The following C1orf185 variants were observed in gnomAD, a reference collection of about 807,000 sequenced individuals.
C1orf185 encodes the protein chromosome 1 open reading frame 185.
In C1orf185, 13 loss-of-function variants were observed where a neutral mutation model predicts 16.1. The ratio of observed to expected loss-of-function variants is 0.81; its 90% confidence interval spans 0.53 to 1.28. The LOEUF is 1.28. Ranked by LOEUF, C1orf185 falls within the 50% of genes most tolerant of loss-of-function variation. C1orf185 has a pLI of 0.00. For synonymous variants in C1orf185, 80 were observed against 76.9 expected, an observed-to-expected ratio of 1.04 and a Z score of -0.21; for missense variants, 220 against 225.2, an observed-to-expected ratio of 0.98 and a Z score of 0.15.
chr1:51,145,824 A>G, intron 4 of C1orf185, 64 bp downstream of exon 4: 3 of 842,140 alleles, frequency 3.6e-6, no homozygotes, highest in Non-Finnish European at 5.2e-6. Context: ...ACATCTTGAG[A>G]AATCAAGAGG....
chr1:51,108,967 T>C (rs1202417114), intron 1 of C1orf185, among the ~76,000 whole-genome samples: 4 of 152,176 alleles, frequency 2.6e-5, no homozygotes, highest in Non-Finnish European at 5.9e-5. Context: ...CACGTGGTAG[T>C]TTTATTTTTA....
At chr1:51,130,027 A>G (rs1646271673) in intron 3 of C1orf185, among the ~76,000 whole-genome samples, 1 of 152,212 alleles carries the variant, frequency 6.6e-6, no homozygotes, top group African/African-American at 2.4e-5. Context: ...GCTGAGTAGT[A>G]TAACATTGTG....
At chr1:51,150,441 C>T (rs1217140399), downstream of C1orf185, among the ~76,000 whole-genome samples, 1 of 152,160 alleles carries the variant, frequency 6.6e-6, no homozygotes, top group African/African-American at 2.4e-5. Context: ...GATCCACCCA[C>T]CTAGGCCTCC....
intron 1 of C1orf185, among the ~76,000 whole-genome samples, chr1:51,110,569 T>C (rs1646108758): frequency 6.6e-6 from 1 of 152,216 alleles, no homozygotes. Flanking sequence ...AACTTGATAA[T>C]ATATTCACAC....
chr1:51,150,099 C>T (rs1426023492), downstream of C1orf185, among the ~76,000 whole-genome samples: 5 of 152,056 alleles, frequency 3.3e-5, no homozygotes, highest in African/African-American at 1.2e-4. Context: ...AAGCATCATG[C>T]CTGACCAAAT....
intron 1 of C1orf185, 167 bp downstream of exon 1, chr1:51,102,416 A>G: frequency 2.4e-6 from 1 of 424,882 alleles, no homozygotes; most frequent in East Asian, 3.4e-5. Context: ...TATTGGGGCT[A>G]TTTTCTTTGG....
At chr1:51,112,103 G>A (rs1646124968) in intron 1 of C1orf185, among the ~76,000 whole-genome samples, 1 of 151,720 alleles carries the variant, frequency 6.6e-6, no homozygotes, top group African/African-American at 2.4e-5. Flanking sequence ...AAAGTCTTAT[G>A]TTGGAGGCCT....
intron 3 of C1orf185, among the ~76,000 whole-genome samples, chr1:51,125,969 G>T (rs1646236975): frequency 6.6e-6 from 1 of 152,102 alleles, no homozygotes; most frequent in Non-Finnish European, 1.5e-5. Flanking sequence ...ACCAGCCTGG[G>T]CAGCATAGCG....
intron 3 of C1orf185, among the ~76,000 whole-genome samples, chr1:51,124,081 GTT>G (rs893846873): frequency 4.4e-5 from 5 of 113,578 alleles, no homozygotes; most frequent in African/African-American, 9.9e-5. Flanking sequence ...ACTGTAGTTT[GTT>G]TTTTTTTTTT....
intron 1 of C1orf185, among the ~76,000 whole-genome samples, chr1:51,107,838 T>G (rs1464858881): frequency 6.6e-6 from 1 of 152,242 alleles, no homozygotes; most frequent in East Asian, 1.9e-4. Flanking sequence ...TTCTCATTGC[T>G]GTAAATATTT....
intron 3 of C1orf185, among the ~76,000 whole-genome samples, chr1:51,130,081 T>C (rs927849176): frequency 3.3e-5 from 5 of 152,154 alleles, no homozygotes; most frequent in African/African-American, 1.2e-4. Context: ...CATTTATGCA[T>C]TGAGGGATAT....
At chr1:51,133,311 C>T (rs562737128) in intron 3 of C1orf185, among the ~76,000 whole-genome samples, 1 of 152,190 alleles carries the variant, frequency 6.6e-6, no homozygotes, top group South Asian at 2.1e-4. Context: ...TTCAAGAGAC[C>T]TATCTCACAT....
intron 2 of C1orf185, 46 bp from the exon 3 acceptor site, chr1:51,118,620 T>C: frequency 9.0e-7 from 1 of 1,106,580 alleles, no homozygotes; most frequent in Non-Finnish European, 1.2e-6. Flanking sequence ...AATTGTTTTA[T>C]AATCTAACTC....
chr1:51,143,153 A>G (rs1255587180), intron 3 of C1orf185, among the ~76,000 whole-genome samples: 1 of 151,940 alleles, frequency 6.6e-6, no homozygotes, highest in Admixed American at 6.6e-5. Context: ...TATTATTTCT[A>G]TTTTTTACCC....
At chr1:51,137,064 A>G (rs1646330688) in intron 3 of C1orf185, among the ~76,000 whole-genome samples, 1 of 152,240 alleles carries the variant, frequency 6.6e-6, no homozygotes, top group African/African-American at 2.4e-5. Flanking sequence ...TTTACAAGAA[A>G]AAAACAAGCA....
intron 3 of C1orf185, among the ~76,000 whole-genome samples, chr1:51,141,112 G>A (rs79417800): frequency 0.013 from 1,993 of 152,238 alleles, 39 homozygotes; most frequent in African/African-American, 0.046. Context: ...ATATTTCAAG[G>A]AAATAAATTT....
At chr1:51,151,545 G>A (rs879811923), downstream of C1orf185, among the ~76,000 whole-genome samples, 2 of 152,130 alleles carry the variant, frequency 1.3e-5, no homozygotes, top group Non-Finnish European at 1.5e-5. Flanking sequence ...GCCACAGTAA[G>A]ACTGTAGAGG....
chr1:51,117,410 G>A (rs887148352), intron 2 of C1orf185, among the ~76,000 whole-genome samples: 1 of 152,054 alleles, frequency 6.6e-6, no homozygotes, highest in African/African-American at 2.4e-5. Flanking sequence ...TTCACTCTTG[G>A]TGTTGTATAT....
chr1:51,144,279 C>T (rs1646385215), intron 3 of C1orf185, among the ~76,000 whole-genome samples: 2 of 152,172 alleles, frequency 1.3e-5, no homozygotes, highest in African/African-American at 2.4e-5. Flanking sequence ...AATCTGTCAG[C>T]ACATCAAAGT....
Sources: gnomAD v4.1 joint callset for allele counts (sites outside exome capture counted in the v4.1 genomes callset) on GRCh38, gnomAD v4.1.1 for gene constraint, MANE v1.5 for transcripts, NCBI Gene and HGNC (gene_info 2026-07-23, HGNC 2026-07-21) for gene names.